The following DNAJC5 variants were observed in gnomAD, a reference collection of about 807,000 sequenced individuals.
DNAJC5 encodes the protein DnaJ heat shock protein family (Hsp40) member C5, also known as dnaJ homolog subfamily C member 5.
Under a neutral mutation model 23.2 loss-of-function variants are expected in DNAJC5, and 1 was observed. The observed-to-expected ratio is 0.04, with a 90% confidence interval of 0.02 to 0.20. DNAJC5 has a LOEUF of 0.20. Ranked by LOEUF, DNAJC5 falls within the 10% of genes least tolerant of loss-of-function variation. The pLI, the probability that DNAJC5 is intolerant of heterozygous loss-of-function variation, is 1.00. For synonymous variants in DNAJC5, 136 were observed against 120.0 expected, an observed-to-expected ratio of 1.13 and a Z score of -0.87; for missense variants, 180 against 267.0, an observed-to-expected ratio of 0.67 and a Z score of 2.27.
chr20:63,928,368 C>T lies in DNAJC5; in HGVS notation c.23C>T (p.Ser8Leu). 1 of 1,613,986 alleles carries T rather than the reference C, an allele frequency of 6.2e-7. No homozygotes were observed. Among genetic ancestry groups the T allele is most frequent in the Non-Finnish European group, 8.5e-7 (1 of 1,179,992 alleles). The part of the protein sequence containing the change: MADQRQR[S>L]LSTSGESLYH... ...AACATGGCAGACCAGAGACAGCGCT[C>T]ACTGTCTACCTCTGGGGAGTCATTG... Residue 8 changes from serine to leucine, a missense_variant, in exon 2 of 5, where the codon TCA becomes TTA. By Grantham distance (145) the Ser-to-Leu change is moderately radical. Coordinates refer to ENST00000360864, the MANE Select transcript of DNAJC5 (RefSeq NM_025219.3). The surrounding 1 kb of genome is among the most constrained non-coding windows in gnomAD (Gnocchi z 4.6).
At chr20:63,898,036 C>T (rs2053385949) in intron 1 of DNAJC5, among the ~76,000 whole-genome samples, 1 of 152,200 alleles carries the variant, frequency 6.6e-6, no homozygotes, top group Admixed American at 6.5e-5. Flanking sequence ...TGTACAGCTG[C>T]CTCCGTGACC....
At chr20:63,926,881 A>G (rs6011229) in intron 1 of DNAJC5, among the ~76,000 whole-genome samples, 25,120 of 152,260 alleles carry the variant, frequency 0.16, 2,196 homozygotes, top group African/African-American at 0.18. Context: ...ACGATGCAGC[A>G]AAGGAGACAT....
intron 1 of DNAJC5, among the ~76,000 whole-genome samples, chr20:63,898,883 C>T (rs1175432632): frequency 6.6e-6 from 1 of 152,180 alleles, no homozygotes; most frequent in Non-Finnish European, 1.5e-5. Flanking sequence ...TAAGGTGAGA[C>T]TCATCGTGAT....
intron 1 of DNAJC5, among the ~76,000 whole-genome samples, chr20:63,924,411 A>G (rs757900853): frequency 1.3e-5 from 2 of 152,144 alleles, no homozygotes; most frequent in African/African-American, 2.4e-5. Flanking sequence ...TTTTGAAACA[A>G]GGTCTCACTG....
chr20:63,911,014 C>G (rs1426938808), intron 1 of DNAJC5, among the ~76,000 whole-genome samples: 1 of 152,126 alleles, frequency 6.6e-6, no homozygotes, highest in Non-Finnish European at 1.5e-5. Context: ...TTATTTTGTT[C>G]AACTTCTGAT....
Position 63,929,259 on chromosome 20 carries a change from G to A in DNAJC5, c.108-53G>A. On this transcript the variant is annotated intron_variant, in intron 2 of 4. Coordinates refer to ENST00000360864, the MANE Select transcript of DNAJC5 (RefSeq NM_025219.3). The surrounding 1 kb of genome is among the most constrained non-coding windows in gnomAD (Gnocchi z 8.6). The stretch of plus-strand genomic sequence containing the variant: ...GCGGGTGGGATGGACGCGGCGGCGG[G>A]TGCGGGTGGAACAAAGTCCAGGGTA... 5.1e-6 allele frequency: 8 copies of A among 1,573,824 alleles called. No individual in the cohort carries two copies. Among genetic ancestry groups the A allele is most frequent in the South Asian group, 1.1e-5 (1 of 87,540 alleles).
At position 63,906,257 on chromosome 20, in the gene DNAJC5, C is replaced by T. The variant is rs540819073; in HGVS notation, c.-12+10934C>T. ...ATCCCACCACTTCGGGAGGCCAAGA[C>T]GGGTGGATCACTTGGGGTCAGGAGT... On this transcript the variant is annotated intron_variant, in intron 1 of 4. Coordinates refer to ENST00000360864, the MANE Select transcript of DNAJC5 (RefSeq NM_025219.3). Among the ~76,000 whole-genome samples, 143 of 152,010 alleles carry T rather than the reference C, an allele frequency of 9.4e-4. 1 individual carries two copies. The highest frequency in any genetic ancestry group is 3.1e-3 in the African/African-American group (130 of 41,474).
intron 1 of DNAJC5, among the ~76,000 whole-genome samples, chr20:63,901,293 T>C (rs950982547): frequency 1.3e-5 from 2 of 152,226 alleles, no homozygotes; most frequent in African/African-American, 2.4e-5. Flanking sequence ...GTGCCTGTTA[T>C]GAAATCATGA....
intron 1 of DNAJC5, among the ~76,000 whole-genome samples, chr20:63,919,281 C>G (rs967833330): frequency 2.0e-5 from 3 of 152,194 alleles, no homozygotes; most frequent in African/African-American, 7.2e-5. Flanking sequence ...CCACTGAGTC[C>G]CCAGCTCTGA....
At chr20:63,913,665 C>T (rs2053497723) in intron 1 of DNAJC5, among the ~76,000 whole-genome samples, 1 of 152,152 alleles carries the variant, frequency 6.6e-6, no homozygotes, top group Admixed American at 6.5e-5. Flanking sequence ...CCTCCACCTC[C>T]TGGGTTCAAG....
At chr20:63,916,114 A>G (rs2053514056) in intron 1 of DNAJC5, among the ~76,000 whole-genome samples, 1 of 152,038 alleles carries the variant, frequency 6.6e-6, no homozygotes, top group Non-Finnish European at 1.5e-5. Flanking sequence ...TGCCTGGCTA[A>G]TTTTTGTATT....
At chr20:63,899,783 G>A (rs561852805) in intron 1 of DNAJC5, among the ~76,000 whole-genome samples, 20 of 151,702 alleles carry the variant, frequency 1.3e-4, no homozygotes, top group African/African-American at 7.3e-5. Flanking sequence ...GGGTTTCGCG[G>A]TGTTAGCCAG....
chr20:63,902,778 C>G (rs1418097521), intron 1 of DNAJC5, among the ~76,000 whole-genome samples: 1 of 148,392 alleles, frequency 6.7e-6, no homozygotes, highest in Non-Finnish European at 1.5e-5. Context: ...TGGGTTCATG[C>G]CATTCTCCTG....
At chr20:63,904,830 T>A (rs1292078113) in intron 1 of DNAJC5, among the ~76,000 whole-genome samples, 1 of 152,214 alleles carries the variant, frequency 6.6e-6, no homozygotes, top group Non-Finnish European at 1.5e-5. Flanking sequence ...TGAGACAAAG[T>A]CTCGCTGTTG....
chr20:63,910,874 T>C (rs1600865973), intron 1 of DNAJC5, among the ~76,000 whole-genome samples: 1 of 152,084 alleles, frequency 6.6e-6, no homozygotes, highest in Non-Finnish European at 1.5e-5. Flanking sequence ...GGGTTCACCA[T>C]GTTGGCCAGG....
chr20:63,926,851 A>G (rs932056299), intron 1 of DNAJC5, among the ~76,000 whole-genome samples: 1 of 152,244 alleles, frequency 6.6e-6, no homozygotes, highest in African/African-American at 2.4e-5. Flanking sequence ...CCCTGAAGTC[A>G]TGTTTCATCT....
chr20:63,931,489 T>C lies in DNAJC5; in HGVS notation c.518T>C (p.Ile173Thr), dbSNP rs775285560. Reference protein sequence around the residue: ...EREATDTPIVIQPASATETTQ... With the variant: ...EREATDTPIVTQPASATETTQ... Reference sequence around the variant, plus strand: ...GAGGCCACAGACACGCCGATCGTCATACAGCCGGCATCCGCCACCGAGACC... The same window carrying C: ...GAGGCCACAGACACGCCGATCGTCACACAGCCGGCATCCGCCACCGAGACC... The change falls in exon 5 of 5, where the codon ATA becomes ACA. Residue 173 changes from isoleucine (I) to threonine (T), a missense_variant. Coordinates refer to ENST00000360864, the MANE Select transcript of DNAJC5 (RefSeq NM_025219.3). This position sits in a 1 kb window ranked among gnomAD's most constrained non-coding sequence, Gnocchi z 9.6. The C allele has an allele frequency of 3.2e-6, 5 of 1,574,560 alleles. No homozygotes were observed. In the Admixed American group the frequency reaches 8.9e-5, roughly 28 times the overall value.
chr20:63,898,931 G>C (rs895221920), intron 1 of DNAJC5, among the ~76,000 whole-genome samples: 1 of 152,216 alleles, frequency 6.6e-6, no homozygotes, highest in Admixed American at 6.5e-5. Context: ...AAAGTCCTGA[G>C]ATGTGTCCAA....
intron 1 of DNAJC5, chr20:63,919,446 C>T (rs374688083): frequency 1.4e-5 from 7 of 503,916 alleles, no homozygotes; most frequent in Non-Finnish European, 2.4e-5. Context: ...ACACACCCGG[C>T]TGTGTGGACA....
Sources: gnomAD v4.1 joint callset for allele counts (sites outside exome capture counted in the v4.1 genomes callset) on GRCh38, gnomAD v4.1.1 for gene constraint, Gnocchi (gnomAD v3.1) non-coding constraint, MANE v1.5 for transcripts, NCBI Gene and HGNC (gene_info 2026-07-23, HGNC 2026-07-21) for gene names.